PDGFD: variants seen among roughly 807,000 people sequenced by gnomAD.
PDGFD encodes platelet-derived growth factor D.
In PDGFD, 30 loss-of-function variants were observed where a neutral mutation model predicts 44.7. The observed-to-expected ratio is 0.67, with a 90% CI of 0.50 to 0.91. The LOEUF is 0.91. PDGFD is among the 40% of genes least tolerant of loss of function. PDGFD has a pLI of 0.00. For missense variants in PDGFD, 445 were observed against 457.8 expected (o/e 0.97, Z 0.25); for synonymous variants, 173 against 168.4 (o/e 1.03, Z -0.21).
At chr11:103,953,213 A>C (rs942471642) in intron 3 of PDGFD, among the ~76,000 whole-genome samples, 8 of 152,168 alleles carry the variant, frequency 5.3e-5, no homozygotes, top group African/African-American at 1.9e-4. Context: ...TATATATACA[A>C]AATGTTATAT....
At chr11:103,979,089 A>G (rs1859225758) in intron 3 of PDGFD, among the ~76,000 whole-genome samples, 1 of 152,068 alleles carries the variant, frequency 6.6e-6, no homozygotes, top group Non-Finnish European at 1.5e-5. Flanking sequence ...TGTATGTTTA[A>G]AAGAAAATTC....
chr11:104,037,701 G>A, intron 1 of PDGFD: 1 of 1,614,048 alleles, frequency 6.2e-7, no homozygotes, highest in East Asian at 2.2e-5. Context: ...CTAAAGGAGT[G>A]GGCACACAGA....
At chr11:103,966,938 A>G (rs943861914) in intron 3 of PDGFD, among the ~76,000 whole-genome samples, 1 of 152,152 alleles carries the variant, frequency 6.6e-6, no homozygotes, top group African/African-American at 2.4e-5. Flanking sequence ...CTACCAAATG[A>G]GAGCTCACAC....
chr11:103,911,437 A>C (rs1474757232), intron 6 of PDGFD, among the ~76,000 whole-genome samples: 1 of 152,198 alleles, frequency 6.6e-6, no homozygotes, highest in Non-Finnish European at 1.5e-5. Flanking sequence ...ATCAACATTA[A>C]CAAAAAGGAC....
intron 3 of PDGFD, among the ~76,000 whole-genome samples, chr11:103,948,389 A>T (rs937796335): frequency 6.6e-6 from 1 of 152,244 alleles, no homozygotes; most frequent in Non-Finnish European, 1.5e-5. Context: ...TAGTTATCTC[A>T]GATAAGCCTT....
chr11:104,122,901 A>C (rs918710707), intron 1 of PDGFD, among the ~76,000 whole-genome samples: 1 of 151,892 alleles, frequency 6.6e-6, no homozygotes, highest in Non-Finnish European at 1.5e-5. Context: ...TTATATCAGA[A>C]AAAAAAAATT....
chr11:103,913,272 G>T (rs995551663), intron 6 of PDGFD, among the ~76,000 whole-genome samples: 8 of 152,114 alleles, frequency 5.3e-5, no homozygotes, highest in African/African-American at 1.7e-4. Context: ...CTCAGCAAAT[G>T]CAAAAGAACA....
At chr11:104,133,610 T>C (rs1321176634) in intron 1 of PDGFD, among the ~76,000 whole-genome samples, 1 of 152,178 alleles carries the variant, frequency 6.6e-6, no homozygotes, top group Non-Finnish European at 1.5e-5. Context: ...CTTAGGATCT[T>C]ATTGACATGT....
intron 3 of PDGFD, among the ~76,000 whole-genome samples, chr11:103,975,297 A>T (rs1859167142): frequency 6.6e-6 from 1 of 152,124 alleles, no homozygotes; most frequent in Non-Finnish European, 1.5e-5. Context: ...TTCATTTGAG[A>T]AGTGTCTGTT....
At chr11:103,923,415 A>G (rs1858256065) in intron 6 of PDGFD, among the ~76,000 whole-genome samples, 1 of 152,198 alleles carries the variant, frequency 6.6e-6, no homozygotes, top group African/African-American at 2.4e-5. Context: ...TCCCAGATTT[A>G]AATTCCTTAA....
At chr11:103,940,099 G>A (rs527554453) in intron 5 of PDGFD, among the ~76,000 whole-genome samples, 1 of 151,862 alleles carries the variant, frequency 6.6e-6, no homozygotes, top group South Asian at 2.1e-4. Context: ...CTGTTCTTTT[G>A]CATTCGCCAT....
intron 3 of PDGFD, among the ~76,000 whole-genome samples, chr11:103,980,139 C>T (rs260833): frequency 0.52 from 79,390 of 151,800 alleles, 21,275 homozygotes; most frequent in African/African-American, 0.63. Flanking sequence ...AGAGATAGTA[C>T]AGAGATTAAA....
At chr11:104,044,552 G>T (rs1017013408) in intron 1 of PDGFD, among the ~76,000 whole-genome samples, 1 of 152,204 alleles carries the variant, frequency 6.6e-6, no homozygotes, top group East Asian at 1.9e-4. Context: ...TCAATAATTA[G>T]AATAAATATG....
intron 6 of PDGFD, among the ~76,000 whole-genome samples, chr11:103,920,164 C>G (rs746663649): frequency 3.3e-5 from 5 of 152,150 alleles, no homozygotes; most frequent in Non-Finnish European, 7.3e-5. Context: ...AGAAGTTAAG[C>G]TTGAAGGTGA....
At chr11:104,023,360 T>A (rs1024046460) in intron 1 of PDGFD, among the ~76,000 whole-genome samples, 1 of 152,150 alleles carries the variant, frequency 6.6e-6, no homozygotes, top group East Asian at 1.9e-4. Flanking sequence ...CAAGCTTTAA[T>A]GGCCCTTTTG....
chr11:104,081,122 GT>G (rs959160255), intron 1 of PDGFD, among the ~76,000 whole-genome samples: 31 of 150,726 alleles, frequency 2.1e-4, no homozygotes, highest in African/African-American at 6.8e-4. Context: ...GTTTATTTTT[GT>G]TTTTTTTTAA....
chr11:104,116,851 C>A (rs1861648583), intron 1 of PDGFD, among the ~76,000 whole-genome samples: 1 of 151,930 alleles, frequency 6.6e-6, no homozygotes, highest in South Asian at 2.1e-4. Flanking sequence ...GGGGTTTCTG[C>A]TTTTGTTTCT....
chr11:104,080,852 T>C (rs933812274), intron 1 of PDGFD, among the ~76,000 whole-genome samples: 1 of 152,150 alleles, frequency 6.6e-6, no homozygotes, highest in Admixed American at 6.5e-5. Flanking sequence ...AGCTGCCATG[T>C]CATGAGGACA....
At position 103,981,714 on chromosome 11, in the gene PDGFD, AGT is replaced by A. The variant is rs144331426; in HGVS notation, c.510+14349_510+14350del. Reference sequence around the variant, plus strand: ...AAAAAAATCAAATGAATGGTTTTGGAGTGTTTGAAAACCTGGAAAGCTCTTGA... The same window carrying A: ...AAAAAAATCAAATGAATGGTTTTGGAGTTTGAAAACCTGGAAAGCTCTTGA... On this transcript the variant is annotated intron_variant, in intron 3 of 6. Coordinates refer to ENST00000393158, the MANE Select transcript of PDGFD (RefSeq NM_025208.5). Among the ~76,000 whole-genome samples, 917 of 151,886 alleles carry A rather than the reference AGT, an allele frequency of 6.0e-3. 27 individuals are homozygous for A. Among genetic ancestry groups the A allele is most frequent in the African/African-American group, 0.021 (883 of 41,238 alleles).
Sources: allele counts gnomAD v4.1 joint callset (sites outside exome capture counted in the v4.1 genomes callset), GRCh38; gene constraint gnomAD v4.1.1; transcripts MANE v1.5; gene names NCBI Gene and HGNC (gene_info 2026-07-23, HGNC 2026-07-21).